PLXNC1: variants seen among roughly 807,000 people sequenced by gnomAD.
PLXNC1 encodes plexin-C1.
A neutral mutation model predicts 178.2 loss-of-function variants in PLXNC1; 75 were observed. The observed-to-expected ratio is 0.42, with a 90% CI of 0.35 to 0.51. The LOEUF (loss-of-function observed/expected upper bound fraction) is 0.51, where lower values mean the gene tolerates loss of function less well. Among genes scored for constraint, PLXNC1 ranks in the 20% least tolerant of loss-of-function variants. PLXNC1 has a pLI of 0.02. For missense variants in PLXNC1, 1,503 were observed against 1,984.4 expected, an observed-to-expected ratio of 0.76 and a Z score of 4.61; for synonymous variants, 790 against 779.9, an observed-to-expected ratio of 1.01 and a Z score of -0.22.
chr12:94,240,930 A>G (rs1020207877), intron 11 of PLXNC1, among the ~76,000 whole-genome samples: 2 of 152,156 alleles, frequency 1.3e-5, no homozygotes, highest in African/African-American at 2.4e-5. Context: ...GGTTTTTGAT[A>G]TAGATATATG....
chr12:94,203,761 G>A (rs1034994167), intron 4 of PLXNC1, among the ~76,000 whole-genome samples: 6 of 152,342 alleles, frequency 3.9e-5, no homozygotes, highest in Middle Eastern at 3.4e-3. Context: ...CAGAAACAGT[G>A]CCTGGCCTAT....
intron 10 of PLXNC1, among the ~76,000 whole-genome samples, chr12:94,239,624 T>G (rs1964327502): frequency 6.6e-6 from 1 of 152,202 alleles, no homozygotes; most frequent in Admixed American, 6.5e-5. Flanking sequence ...GATTTGTGCT[T>G]TAGAGGATCA....
At position 94,149,453 on chromosome 12, in the gene PLXNC1, C is replaced by T; in HGVS notation, c.482C>T (p.Ser161Leu). 2 of 1,464,924 alleles carry T rather than the reference C, an allele frequency of 1.4e-6. No individual in the cohort carries two copies. Among genetic ancestry groups the T allele is most frequent in the Non-Finnish European group, 1.8e-6 (2 of 1,116,670 alleles). 90.7% of individuals were successfully genotyped at this position (1,464,924 alleles called of 1,614,324 possible). A position where few individuals can be genotyped will look rare whatever the true frequency, so the allele number is the denominator to read the frequency against. The change falls in exon 1 of 31, where the codon TCG (serine) becomes TTG (leucine). Residue 161 changes from serine (S) to leucine (L), a missense_variant. Coordinates refer to ENST00000258526, the MANE Select transcript of PLXNC1 (RefSeq NM_005761.3). The stretch of plus-strand genomic sequence containing the variant: ...GTGGTGTCGTGCCACCCGCAGGGCT[C>T]GACGGCCGGCGTGGTGTACCGCGCG... The part of the protein sequence containing the change: ...TEVVSCHPQG[S>L]TAGVVYRAGR...
intron 22 of PLXNC1, chr12:94,281,745 A>G (rs1305534399): frequency 6.5e-6 from 1 of 153,448 alleles, no homozygotes; most frequent in East Asian, 1.9e-4. Context: ...TAATCTTTAA[A>G]TGTTGGCACT....
chr12:94,257,373 A>T (rs903463302), intron 17 of PLXNC1, among the ~76,000 whole-genome samples: 2 of 151,988 alleles, frequency 1.3e-5, no homozygotes. Context: ...TATTTTATTG[A>T]CTCTTCTTTG....
At chr12:94,277,769 G>A (rs1021093578) in intron 21 of PLXNC1, 5 of 363,352 alleles carry the variant, frequency 1.4e-5, no homozygotes, top group African/African-American at 1.1e-4. Context: ...AATTGTACAG[G>A]TTTTATTGCC....
At chr12:94,268,243 A>G (rs370608230) in intron 21 of PLXNC1, among the ~76,000 whole-genome samples, 2 of 152,222 alleles carry the variant, frequency 1.3e-5, no homozygotes, top group East Asian at 3.8e-4. Flanking sequence ...ATTTTCTAGA[A>G]CATAAAGGCA....
intron 4 of PLXNC1, among the ~76,000 whole-genome samples, chr12:94,195,059 A>T (rs1306746552): frequency 6.6e-6 from 1 of 152,048 alleles, no homozygotes; most frequent in African/African-American, 2.4e-5. Context: ...TGGCAGATGG[A>T]GTTCTATGCA....
intron 23 of PLXNC1, among the ~76,000 whole-genome samples, chr12:94,293,322 T>A (rs1466933902): frequency 6.6e-6 from 1 of 152,228 alleles, no homozygotes; most frequent in Non-Finnish European, 1.5e-5. Flanking sequence ...AGGACCTACA[T>A]GTGAAATGGC....
intron 4 of PLXNC1, among the ~76,000 whole-genome samples, chr12:94,194,796 G>A (rs759606854): frequency 6.6e-6 from 1 of 152,156 alleles, no homozygotes; most frequent in Non-Finnish European, 1.5e-5. Context: ...TTTGCTGAGA[G>A]AATTAAATTC....
At chr12:94,163,299 C>T (rs926461219) in intron 1 of PLXNC1, among the ~76,000 whole-genome samples, 5 of 151,860 alleles carry the variant, frequency 3.3e-5, no homozygotes, top group African/African-American at 4.8e-5. Flanking sequence ...CAGAGGTTGC[C>T]GTGAGCCGAG....
At chr12:94,287,660 T>C (rs1446132622) in intron 23 of PLXNC1, among the ~76,000 whole-genome samples, 1 of 152,162 alleles carries the variant, frequency 6.6e-6, no homozygotes, top group Admixed American at 6.5e-5. Context: ...GCTAACAAAT[T>C]TGTAATTCAA....
At chr12:94,229,521 G>A (rs1964032710) in intron 9 of PLXNC1, among the ~76,000 whole-genome samples, 1 of 152,018 alleles carries the variant, frequency 6.6e-6, no homozygotes, top group Admixed American at 6.6e-5. Flanking sequence ...TATTTGTAAA[G>A]GTCTGTAGCA....
At chr12:94,166,910 G>A (rs1961635325) in intron 1 of PLXNC1, among the ~76,000 whole-genome samples, 1 of 152,052 alleles carries the variant, frequency 6.6e-6, no homozygotes, top group African/African-American at 2.4e-5. Flanking sequence ...GGGACAACAG[G>A]TGTGTGCCAC....
chr12:94,209,652 C>G lies in PLXNC1; in HGVS notation c.1502C>G (p.Ser501Cys). Reference protein sequence around the residue: ...ENLENWLDISSGAKKCPKIQI... With the variant: ...ENLENWLDISCGAKKCPKIQI... ...TTAGAAAACTGGCTGGATATTTCGT[C>G]TGGAGCAAAAAAGTGCCCTAAAATT... The change falls in exon 5 of 31, where the codon TCT becomes TGT. Residue 501 changes from serine (S) to cysteine (C), a missense_variant. By Grantham distance (112) the Ser-to-Cys change is moderately radical. Coordinates refer to ENST00000258526, the MANE Select transcript of PLXNC1 (RefSeq NM_005761.3). The G allele has an allele frequency of 6.2e-7, 1 of 1,613,434 alleles. No homozygotes were observed. The highest frequency in any genetic ancestry group is 8.5e-7 in the Non-Finnish European group (1 of 1,179,508).
intron 23 of PLXNC1, among the ~76,000 whole-genome samples, chr12:94,287,302 T>C (rs1457530617): frequency 6.6e-6 from 1 of 152,218 alleles, no homozygotes; most frequent in Non-Finnish European, 1.5e-5. Context: ...CTGTGTGCGT[T>C]GACTATGAAG....
chr12:94,180,331 C>T (rs908417684), intron 2 of PLXNC1, among the ~76,000 whole-genome samples: 5 of 152,216 alleles, frequency 3.3e-5, no homozygotes, highest in Non-Finnish European at 5.9e-5. Context: ...GAAAATAACT[C>T]ATCTCCTGCA....
At position 94,274,004 on chromosome 12, in the gene PLXNC1, C is replaced by T. The variant is rs374049572; in HGVS notation, c.3598-5468C>T. 1.1e-3 allele frequency among the ~76,000 whole-genome samples: 161 copies of T among 151,978 alleles called. 3 individuals carry two copies. The highest frequency in any genetic ancestry group is 2.0e-3 in the Admixed American group (31 of 15,268). On this transcript the variant is annotated intron_variant, in intron 21 of 30. Coordinates refer to ENST00000258526, the MANE Select transcript of PLXNC1 (RefSeq NM_005761.3). ...ACAAGATGGCTGCCACCGCTCCAAG[C>T]GCTACTCCCCCTTTTGTTTGGATAG...
At chr12:94,276,414 C>T (rs1965961261) in intron 21 of PLXNC1, among the ~76,000 whole-genome samples, 1 of 150,784 alleles carries the variant, frequency 6.6e-6, no homozygotes, top group Admixed American at 6.6e-5. Flanking sequence ...TTGCTTACAG[C>T]CTGAGCTAAG....
Sources: allele counts gnomAD v4.1 joint callset (sites outside exome capture counted in the v4.1 genomes callset), GRCh38; gene constraint gnomAD v4.1.1; transcripts MANE v1.5; gene names NCBI Gene and HGNC (gene_info 2026-07-23, HGNC 2026-07-21).